Variants in STX8 observed in about 807,000 individuals in gnomAD.
STX8 encodes the protein syntaxin 8, also known as syntaxin-8.
Under a neutral mutation model 37.5 loss-of-function variants are expected in STX8, and 23 were observed. The ratio of observed to expected loss-of-function variants is 0.61; its 90% CI spans 0.44 to 0.87. The LOEUF (loss-of-function observed/expected upper bound fraction) is 0.87. Among genes scored for constraint, STX8 ranks in the 40% least tolerant of loss-of-function variants. STX8 has a pLI of 0.00. For synonymous variants in STX8, 115 were observed against 99.1 expected, an observed-to-expected ratio of 1.16 and a Z score of -0.95; for missense variants, 313 against 284.7, an observed-to-expected ratio of 1.10 and a Z score of -0.71.
chr17:9,521,098 A>C (rs1437587794), intron 4 of STX8, among the ~76,000 whole-genome samples: 2 of 152,232 alleles, frequency 1.3e-5, no homozygotes, highest in African/African-American at 2.4e-5. Flanking sequence ...AGATGCACAG[A>C]GGCTCAAATT....
chr17:9,274,768 T>TTTTTTTTG (rs1411650172), intron 7 of STX8, among the ~76,000 whole-genome samples: 1 of 140,146 alleles, frequency 7.1e-6, no homozygotes, highest in Non-Finnish European at 1.6e-5. Flanking sequence ...TTTTTTTTTT[T>TTTTTTTTG]TGAGACGGAG....
rs796099323 is a variant in STX8, at chr17:9,473,414, C to T, written c.541+18415G>A. On this transcript the variant is annotated intron_variant, in intron 6 of 7. Coordinates refer to ENST00000306357, the MANE Select transcript of STX8 (RefSeq NM_004853.3). ...AATATAGTCATCCCTTGGTATCTTG[C>T]GGGATTGGTTCCAGGACCACCCCTT... Among the ~76,000 whole-genome samples, 60 of 152,242 alleles carry T rather than the reference C, an allele frequency of 3.9e-4. 1 individual carries two copies. The highest frequency in any genetic ancestry group is 2.1e-4 in the South Asian group (1 of 4,818).
chr17:9,448,727 C>T (rs928072495), intron 6 of STX8, among the ~76,000 whole-genome samples: 5 of 152,084 alleles, frequency 3.3e-5, no homozygotes, highest in Admixed American at 6.6e-5. Flanking sequence ...GGGACCCTAA[C>T]GCTGTATTTC....
intron 6 of STX8, among the ~76,000 whole-genome samples, chr17:9,391,357 CAGG>C (rs1912213480): frequency 6.6e-6 from 1 of 152,074 alleles, no homozygotes; most frequent in South Asian, 2.1e-4. Context: ...GAGGCTGAGG[CAGG>C]AGAATTGCTT....
chr17:9,254,616 G>C (rs371039032), intron 7 of STX8, among the ~76,000 whole-genome samples: 1 of 151,996 alleles, frequency 6.6e-6, no homozygotes, highest in African/African-American at 2.4e-5. Context: ...GGCTGGTCTC[G>C]AACTCCTGAC....
Position 9,331,695 on chromosome 17 carries a change from C to T in STX8, c.643+46857G>A, listed in dbSNP as rs184174455. 1.1e-3 allele frequency among the ~76,000 whole-genome samples: 174 copies of T among 152,286 alleles called. 1 individual carries two copies. Among genetic ancestry groups the T allele is most frequent in the Middle Eastern group, 6.8e-3 (2 of 294 alleles). ...GCTGCTTTCCCCAATGAGTCCTGTGCACCTGACTAGCTTGTAAAAATGTCA... is the reference window on the plus strand; with the variant it reads ...GCTGCTTTCCCCAATGAGTCCTGTGTACCTGACTAGCTTGTAAAAATGTCA... On this transcript the variant is annotated intron_variant, in intron 7 of 7. Coordinates refer to ENST00000306357, the MANE Select transcript of STX8 (RefSeq NM_004853.3).
intron 5 of STX8, among the ~76,000 whole-genome samples, chr17:9,498,973 C>A (rs1904515151): frequency 6.6e-6 from 1 of 152,220 alleles, no homozygotes; most frequent in South Asian, 2.1e-4. Flanking sequence ...ACCCACCCAT[C>A]TTCTGCCTAA....
intron 4 of STX8, among the ~76,000 whole-genome samples, chr17:9,541,441 G>A (rs955140246): frequency 2.0e-5 from 3 of 152,174 alleles, no homozygotes; most frequent in African/African-American, 7.2e-5. Context: ...CCTCCTAGCC[G>A]GATGGAGACA....
intron 6 of STX8, among the ~76,000 whole-genome samples, chr17:9,484,831 A>G (rs180741856): frequency 3.3e-5 from 5 of 152,274 alleles, no homozygotes; most frequent in Admixed American, 3.3e-4. Flanking sequence ...TGTCTCAAAA[A>G]AAGAGAAAGT....
chr17:9,388,290 T>C (rs907417929), intron 6 of STX8, among the ~76,000 whole-genome samples: 1 of 151,484 alleles, frequency 6.6e-6, no homozygotes, highest in African/African-American at 2.4e-5. Flanking sequence ...CAGGCTGGTC[T>C]CGAACTCCTG....
intron 6 of STX8, among the ~76,000 whole-genome samples, chr17:9,413,528 T>C (rs897450187): frequency 2.0e-5 from 3 of 152,164 alleles, no homozygotes; most frequent in African/African-American, 4.8e-5. Context: ...CAGATTGTAA[T>C]TGCACAGATA....
chr17:9,403,426 CAT>C (rs1271335606), intron 6 of STX8, among the ~76,000 whole-genome samples: 22 of 152,278 alleles, frequency 1.4e-4, no homozygotes, highest in South Asian at 6.2e-4. Flanking sequence ...AAAACACTGA[CAT>C]GTGTGTGCGA....
At chr17:9,349,853 C>T (rs955214543) in intron 7 of STX8, among the ~76,000 whole-genome samples, 1 of 152,096 alleles carries the variant, frequency 6.6e-6, no homozygotes, top group Non-Finnish European at 1.5e-5. Context: ...CTGCCTCAGC[C>T]TCCCTGGTAG....
intron 7 of STX8, among the ~76,000 whole-genome samples, chr17:9,348,964 A>G (rs1597618341): frequency 6.6e-6 from 1 of 152,184 alleles, no homozygotes; most frequent in East Asian, 1.9e-4. Flanking sequence ...TACAAATACT[A>G]TCTTTTTTCC....
intron 7 of STX8, among the ~76,000 whole-genome samples, chr17:9,306,595 C>CAAAAAA (rs71135963): frequency 2.9e-5 from 2 of 69,894 alleles, no homozygotes. Context: ...ACTAAAAATA[C>CAAAAAA]AAAAAAAAAA....
At chr17:9,310,284 A>T (rs761342206) in intron 7 of STX8, among the ~76,000 whole-genome samples, 1 of 152,252 alleles carries the variant, frequency 6.6e-6, no homozygotes, top group Non-Finnish European at 1.5e-5. Flanking sequence ...TTGCAGATTC[A>T]GATTGCAACC....
chr17:9,562,418 A>C (rs1907276157), intron 2 of STX8, among the ~76,000 whole-genome samples: 1 of 152,034 alleles, frequency 6.6e-6, no homozygotes. Context: ...GAAAAAAAAA[A>C]AAAAACTTTC....
chr17:9,546,590 G>GTTTTTTTTCTTTTTTT (rs745424722), intron 3 of STX8, among the ~76,000 whole-genome samples: 1 of 62,218 alleles, frequency 1.6e-5, no homozygotes, highest in African/African-American at 5.9e-5. Flanking sequence ...CTACAAAAGT[G>GTTTTTTTTCTTTTTTT]GTTTTTTTTT....
Position 9,359,712 on chromosome 17 carries a change from G to A in STX8, c.643+18840C>T, listed in dbSNP as rs184579477. Among the ~76,000 whole-genome samples, 228 of 152,022 alleles carry A rather than the reference G, an allele frequency of 1.5e-3. 1 individual carries two copies. The highest frequency in any genetic ancestry group is 5.3e-3 in the African/African-American group (218 of 41,454). On this transcript the variant is annotated intron_variant, in intron 7 of 7. Transcript: ENST00000306357. ...TTTAGTAGAGACAGGGTTTCACCGT[G>A]TTAGCCAGGATGGTCTCGATCTCCT...
Sources: gnomAD v4.1 joint callset for allele counts (sites outside exome capture counted in the v4.1 genomes callset) on GRCh38, gnomAD v4.1.1 for gene constraint, MANE v1.5 for transcripts, NCBI Gene and HGNC (gene_info 2026-07-23, HGNC 2026-07-21) for gene names.